Variants in RMDN1 observed in about 807,000 individuals in gnomAD.
RMDN1 encodes regulator of microtubule dynamics 1.
In RMDN1, 48 loss-of-function variants were observed where a neutral mutation model predicts 48.9. The ratio of observed to expected loss-of-function variants is 0.98; its 90% CI spans 0.78 to 1.25. The LOEUF is 1.25. Among genes scored for constraint, RMDN1 ranks in the 50% most tolerant of loss-of-function variants. The pLI, the probability that RMDN1 is intolerant of heterozygous loss-of-function variation, is 0.00. For synonymous variants in RMDN1, 148 were observed against 132.6 expected, an observed-to-expected ratio of 1.12 and a Z score of -0.80; for missense variants, 418 against 373.4, an observed-to-expected ratio of 1.12 and a Z score of -0.98.
chr8:86,486,649 T>G lies in RMDN1; in HGVS notation c.336-6A>C. ...ACAGTAACTCTGCATCTTCACTAATTTGAAATAAAATATAAAACAACCATT... is the reference window on the plus strand; with the variant it reads ...ACAGTAACTCTGCATCTTCACTAATGTGAAATAAAATATAAAACAACCATT... On this transcript the variant is annotated splice_region_variant and splice_polypyrimidine_tract_variant and intron_variant, in intron 3 of 9. Coordinates refer to ENST00000406452, the MANE Select transcript of RMDN1 (RefSeq NM_016033.3). 6.3e-7 allele frequency: 1 copy of G among 1,578,506 alleles called. No homozygotes were observed. Among genetic ancestry groups the G allele is most frequent in the South Asian group, 1.2e-5 (1 of 85,588 alleles).
chr8:86,509,282 G>A (rs150016471), upstream of RMDN1, among the ~76,000 whole-genome samples: 9 of 152,194 alleles, frequency 5.9e-5, no homozygotes, highest in African/African-American at 1.9e-4. Flanking sequence ...GGCATGTGTA[G>A]TAAAAAACAG....
downstream of RMDN1, chr8:86,470,506 G>A (rs1298808731): frequency 3.8e-6 from 4 of 1,064,010 alleles, no homozygotes; most frequent in African/African-American, 3.3e-5. Context: ...GAGAGTAAAG[G>A]GGAAAAATGA....
In RMDN1 at chr8:86,473,704, T is replaced by C. The variant is rs958996741; in HGVS notation, c.*604A>G. ...TCACTTGAACCCGGGAGGCGGAGGCTGCAGTGGGCCGAGATTGTGCCACTG... is the reference window on the plus strand; with the variant it reads ...TCACTTGAACCCGGGAGGCGGAGGCCGCAGTGGGCCGAGATTGTGCCACTG... On this transcript the variant is annotated 3_prime_UTR_variant, in exon 10 of 10. Coordinates refer to ENST00000406452, the MANE Select transcript of RMDN1 (RefSeq NM_016033.3). 4.0e-5 allele frequency: 22 copies of C among 548,156 alleles called. No individual in the cohort carries two copies. The highest frequency in any genetic ancestry group is 4.2e-5 in the Non-Finnish European group (18 of 430,766). 34.0% of individuals were successfully genotyped at this position (548,156 alleles called of 1,614,324 possible).
At chr8:86,511,476 GA>G (rs969029118), upstream of RMDN1, among the ~76,000 whole-genome samples, 13 of 145,812 alleles carry the variant, frequency 8.9e-5, no homozygotes, top group African/African-American at 1.5e-4. Flanking sequence ...CCGTCTCAAA[GA>G]AAAAAAAAAG....
At chr8:86,506,634 G>A (rs1272194121) in intron 2 of RMDN1, among the ~76,000 whole-genome samples, 1 of 152,016 alleles carries the variant, frequency 6.6e-6, no homozygotes, top group Non-Finnish European at 1.5e-5. Context: ...CCCCTTCTTG[G>A]TGCTTACACA....
In RMDN1 at chr8:86,473,526, G is replaced by A. The variant is rs1288986160; in HGVS notation, c.*782C>T. On this transcript the variant is annotated 3_prime_UTR_variant, in exon 10 of 10. Transcript: ENST00000406452. ...CACGCCTGTAATCCCAGCAATTTGG[G>A]AGGCCAAGGCGGGCAGATCACTTGA... 8 of 926,838 alleles carry A rather than the reference G, an allele frequency of 8.6e-6. No individual in the cohort carries two copies. The African/African-American group carries it at 1.3e-4, about 15-fold the overall frequency. The allele number at this position is 926,838 out of a possible 1,614,324, so 57.4% of individuals were successfully genotyped here. A position where few individuals can be genotyped will look rare whatever the true frequency, so the allele number is the denominator to read the frequency against.
rs753169317 is a variant in RMDN1, at chr8:86,474,332, A to G, written c.921T>C (p.Leu307=). The change falls in exon 10 of 10, where the codon CTT becomes CTC. Residue 307 remains leucine (L), a synonymous_variant. Transcript: ENST00000406452. The part of the protein sequence containing the change: ...KQIQTEAAQL[L]TSFSEKN ...CTCAATTCTTCTCACTGAAACTTGT[A>G]AGCAACTGAGCAGCTTCTGTCTGTA... The G allele has an allele frequency of 6.2e-7, 1 of 1,613,576 alleles. No individual in the cohort carries two copies. The highest frequency in any genetic ancestry group is 8.5e-7 in the Non-Finnish European group (1 of 1,179,634).
chr8:86,504,700 T>A, intron 2 of RMDN1: 1 of 901,934 alleles, frequency 1.1e-6, no homozygotes. Context: ...TTGGTCTTTG[T>A]GGCCTTTGAA....
chr8:86,477,314 T>G lies in RMDN1; in HGVS notation c.740A>C (p.Tyr247Ser). Residue 247 changes from tyrosine (Y) to serine (S), a missense_variant, in exon 8 of 10, where the codon TAC becomes TCC. Transcript: ENST00000406452. ...PSSTYEKALG[Y>S]FHRAEQVDPN... is the part of the protein sequence containing the mutation. ...CTTACCTTGTTCTGCCCTGTGAAAG[T>G]AGCCTAAGGCCTGTCAAAAACACAA... The G allele has an allele frequency of 6.2e-7, 1 of 1,600,972 alleles. No individual in the cohort carries two copies. The highest frequency in any genetic ancestry group is 8.5e-7 in the Non-Finnish European group (1 of 1,174,498).
intron 2 of RMDN1, among the ~76,000 whole-genome samples, chr8:86,497,187 TAGAA>T (rs1156783493): frequency 6.6e-6 from 1 of 152,186 alleles, no homozygotes; most frequent in Non-Finnish European, 1.5e-5. Context: ...ATCAAGAAGT[TAGAA>T]AGATCTCAAA....
downstream of RMDN1, chr8:86,468,632 T>C (rs1238554945): frequency 4.4e-6 from 2 of 453,808 alleles, no homozygotes; most frequent in Non-Finnish European, 8.8e-6. Context: ...AGAAGGCAGC[T>C]TTCCAGTTCG....
At chr8:86,496,940 A>C (rs1817472860) in intron 2 of RMDN1, among the ~76,000 whole-genome samples, 2 of 152,010 alleles carry the variant, frequency 1.3e-5, no homozygotes, top group Admixed American at 1.3e-4. Flanking sequence ...CAAACCAAGC[A>C]CTCTCTCAGA....
chr8:86,513,878 G>C (rs1326546085), intron 1 of RMDN1, among the ~76,000 whole-genome samples: 1 of 151,148 alleles, frequency 6.6e-6, no homozygotes, highest in African/African-American at 2.4e-5. Context: ...TTTAAGACAG[G>C]GTCTGTTTGT....
At chr8:86,470,248 A>G (rs1294588439), downstream of RMDN1, 1 of 1,289,262 alleles carries the variant, frequency 7.8e-7, no homozygotes, top group African/African-American at 1.5e-5. Context: ...GGAAATAAGC[A>G]TCTCAATCCA....
At chr8:86,497,290 GCTGAA>G (rs1233025091) in intron 2 of RMDN1, among the ~76,000 whole-genome samples, 1 of 152,126 alleles carries the variant, frequency 6.6e-6, no homozygotes, top group Admixed American at 6.5e-5. Flanking sequence ...AAAATTAAGA[GCTGAA>G]CTGAACTGAA....
In RMDN1 at chr8:86,503,366, C is replaced by CAAAAA. The variant is rs1354324383; in HGVS notation, c.247+3628_247+3629insTTTTT. On this transcript the variant is annotated intron_variant, in intron 2 of 9. Transcript: ENST00000406452. Reference sequence around the variant, plus strand: ...GACTCCGTCTCAAAACAAAACAAAACAAAACAAAAAAAAAAAAAAAAAACA... The same window carrying CAAAAA: ...GACTCCGTCTCAAAACAAAACAAAACAAAAAAAAACAAAAAAAAAAAAAAAAAACA... 1.3e-3 allele frequency among the ~76,000 whole-genome samples: 90 copies of CAAAAA among 70,428 alleles called. 1 individual carries two copies. The highest frequency in any genetic ancestry group is 1.7e-3 in the Non-Finnish European group (48 of 27,860). The allele number at this position is 70,428 out of a possible 152,430, so 46.2% of individuals were successfully genotyped here. A position where few individuals can be genotyped will look rare whatever the true frequency, so the allele number is the denominator to read the frequency against.
intron 2 of RMDN1, chr8:86,504,560 T>C: frequency 7.7e-7 from 1 of 1,295,744 alleles, no homozygotes; most frequent in Non-Finnish European, 1.1e-6. Flanking sequence ...CTATTTCTGC[T>C]GCAAAGGGCA....
intron 7 of RMDN1, among the ~76,000 whole-genome samples, chr8:86,477,891 A>G (rs893459190): frequency 7.2e-6 from 1 of 138,634 alleles, no homozygotes; most frequent in Non-Finnish European, 1.6e-5. Context: ...GACCTGTCTT[A>G]AAAAAAAAAA....
chr8:86,484,740 TAAC>T (rs1454937110), intron 5 of RMDN1, 129 bp downstream of exon 5: 11 of 355,606 alleles, frequency 3.1e-5, no homozygotes, highest in South Asian at 5.5e-5. Flanking sequence ...AAAAAAGAAA[TAAC>T]AAACTGTCAT....
Sources: gnomAD v4.1 joint callset for allele counts (sites outside exome capture counted in the v4.1 genomes callset) on GRCh38, gnomAD v4.1.1 for gene constraint, MANE v1.5 for transcripts, NCBI Gene and HGNC (gene_info 2026-07-23, HGNC 2026-07-21) for gene names.